The following MED27 variants were observed in gnomAD, a reference collection of about 807,000 sequenced individuals.
The protein encoded by MED27 is mediator of RNA polymerase II transcription subunit 27.
In MED27, 30 loss-of-function variants were observed where a neutral mutation model predicts 38.2. The ratio of observed to expected loss-of-function variants is 0.79; its 90% CI spans 0.59 to 1.07. The LOEUF (loss-of-function observed/expected upper bound fraction) is 1.07. Ranked by LOEUF, MED27 falls within the 50% of genes least tolerant of loss-of-function variation. The pLI, the probability that MED27 is intolerant of heterozygous loss-of-function variation, is 0.00. For missense variants in MED27, 289 were observed against 397.5 expected (o/e 0.73, Z 2.32); for synonymous variants, 122 against 153.5 (o/e 0.79, Z 1.52).
Position 131,862,455 on chromosome 9 carries a change from G to A in MED27, c.801+608C>T, listed in dbSNP as rs1479693594. On this transcript the variant is annotated intron_variant, in intron 7 of 7. Coordinates refer to ENST00000292035, the MANE Select transcript of MED27 (RefSeq NM_004269.4). This position sits in a 1 kb window ranked among gnomAD's most constrained non-coding sequence, Gnocchi z 4.6. ...CCTGCTTAGGCCAACTGGTGGCGGC[G>A]TGATAAATGCTGATAAACTGGCCCT... Among the ~76,000 whole-genome samples, 4 of 152,296 alleles carry A rather than the reference G, an allele frequency of 2.6e-5. No homozygotes were observed. The highest frequency in any genetic ancestry group is 1.3e-4 in the Admixed American group (2 of 15,300).
intron 3 of MED27, among the ~76,000 whole-genome samples, chr9:131,961,185 C>A (rs1196176490): frequency 6.6e-6 from 1 of 152,222 alleles, no homozygotes; most frequent in East Asian, 1.9e-4. Context: ...GTTTTGCCCA[C>A]TGGGCAACAG....
At chr9:132,052,905 G>A (rs1015553937) in intron 2 of MED27, among the ~76,000 whole-genome samples, 9 of 152,044 alleles carry the variant, frequency 5.9e-5, no homozygotes, top group Non-Finnish European at 1.2e-4. Context: ...TTATCCAATC[G>A]TCTGTTAATC....
intron 3 of MED27, among the ~76,000 whole-genome samples, chr9:132,009,534 C>G (rs551641997): frequency 1.3e-5 from 2 of 152,312 alleles, no homozygotes; most frequent in African/African-American, 4.8e-5. Context: ...AAGCAGCCTG[C>G]GGAGAGGCCT....
At chr9:132,060,598 C>T (rs1833676909) in intron 2 of MED27, among the ~76,000 whole-genome samples, 1 of 152,176 alleles carries the variant, frequency 6.6e-6, no homozygotes, top group African/African-American at 2.4e-5. Flanking sequence ...CTTTACGGTC[C>T]CCACCAAGCA....
chr9:131,869,429 T>C (rs1452154617), intron 6 of MED27: 5 of 979,026 alleles, frequency 5.1e-6, no homozygotes, highest in Admixed American at 6.2e-5. Context: ...CTAATTTAAA[T>C]CCACTCTGTG....
intron 2 of MED27, chr9:132,073,571 A>G (rs1387159174): frequency 7.2e-7 from 1 of 1,386,238 alleles, no homozygotes. Context: ...TGTTAGTTCC[A>G]TGATGCAAAA....
chr9:132,072,443 A>G (rs1400177844), intron 2 of MED27, among the ~76,000 whole-genome samples: 6 of 152,070 alleles, frequency 3.9e-5, no homozygotes, highest in African/African-American at 1.5e-4. Flanking sequence ...TATTTTTGTT[A>G]TACCTTCCTT....
chr9:131,921,755 G>A (rs1400339889), intron 4 of MED27, among the ~76,000 whole-genome samples: 1 of 152,156 alleles, frequency 6.6e-6, no homozygotes, highest in Non-Finnish European at 1.5e-5. Flanking sequence ...ATTCACAATA[G>A]CAAAGACTTG....
At chr9:132,072,638 CG>C (rs1006849737) in intron 2 of MED27, among the ~76,000 whole-genome samples, 3 of 151,992 alleles carry the variant, frequency 2.0e-5, no homozygotes, top group Non-Finnish European at 4.4e-5. Flanking sequence ...AAACTCACTA[CG>C]CTAGCAAGTT....
intron 6 of MED27, among the ~76,000 whole-genome samples, chr9:131,873,124 C>T (rs1248915765): frequency 6.6e-6 from 1 of 152,174 alleles, no homozygotes; most frequent in Non-Finnish European, 1.5e-5. Context: ...TTGCCAAGGA[C>T]AGACCCACCA....
At chr9:131,876,563 G>A (rs1048302415) in intron 6 of MED27, among the ~76,000 whole-genome samples, 2 of 152,154 alleles carry the variant, frequency 1.3e-5, no homozygotes, top group African/African-American at 2.4e-5. Context: ...AGAAGGTGGC[G>A]GTAAAAGGGT....
intron 2 of MED27, among the ~76,000 whole-genome samples, chr9:132,073,934 A>G (rs1833995567): frequency 6.6e-6 from 1 of 152,212 alleles, no homozygotes; most frequent in Non-Finnish European, 1.5e-5. Context: ...GCCATAAACA[A>G]ATGAAAAAAA....
intron 2 of MED27, among the ~76,000 whole-genome samples, chr9:132,028,333 C>T (rs904336153): frequency 2.6e-5 from 4 of 152,120 alleles, no homozygotes; most frequent in Non-Finnish European, 4.4e-5. Context: ...GTATTACATA[C>T]AGAGGGTTTG....
At chr9:131,879,216 T>C (rs537527787) in intron 6 of MED27, among the ~76,000 whole-genome samples, 17 of 152,294 alleles carry the variant, frequency 1.1e-4, no homozygotes, top group African/African-American at 4.1e-4. Context: ...CTCCTGACAT[T>C]GTTTGCCAGA....
intron 4 of MED27, among the ~76,000 whole-genome samples, chr9:131,923,282 C>G (rs1035852529): frequency 6.6e-6 from 1 of 152,174 alleles, no homozygotes; most frequent in Non-Finnish European, 1.5e-5. Context: ...ATCTTTATAA[C>G]TTCTCTCTCC....
At chr9:131,931,390 C>G (rs564224104) in intron 4 of MED27, among the ~76,000 whole-genome samples, 4 of 151,696 alleles carry the variant, frequency 2.6e-5, no homozygotes, top group Non-Finnish European at 5.9e-5. Context: ...TTAAATCATA[C>G]CACCAGAGAA....
At chr9:131,924,298 C>G (rs1479989970) in intron 4 of MED27, among the ~76,000 whole-genome samples, 1 of 152,042 alleles carries the variant, frequency 6.6e-6, no homozygotes, top group African/African-American at 2.4e-5. Context: ...TACCTCAGTG[C>G]AATTTTAATT....
chr9:131,972,923 C>T (rs892999402), intron 3 of MED27, among the ~76,000 whole-genome samples: 3 of 152,134 alleles, frequency 2.0e-5, no homozygotes, highest in African/African-American at 7.2e-5. Flanking sequence ...ATGGTGTGCA[C>T]CTGTAAACCC....
intron 2 of MED27, among the ~76,000 whole-genome samples, chr9:132,056,631 A>C (rs1357616353): frequency 1.3e-5 from 2 of 152,208 alleles, no homozygotes; most frequent in African/African-American, 2.4e-5. Flanking sequence ...ATTTTGAAAA[A>C]GGGATGTTCA....
Sources: gnomAD v4.1 joint callset for allele counts (sites outside exome capture counted in the v4.1 genomes callset) on GRCh38, gnomAD v4.1.1 for gene constraint, Gnocchi (gnomAD v3.1) non-coding constraint, MANE v1.5 for transcripts, NCBI Gene and HGNC (gene_info 2026-07-23, HGNC 2026-07-21) for gene names.